PAPLN: variants seen among roughly 807,000 people sequenced by gnomAD.
PAPLN encodes the protein papilin, proteoglycan like sulfated glycoprotein, also known as papilin.
A neutral mutation model predicts 159.0 loss-of-function variants in PAPLN; 146 were observed. That is an observed-to-expected ratio of 0.92 (90% confidence interval 0.80 to 1.05). The LOEUF (loss-of-function observed/expected upper bound fraction) is 1.05. PAPLN is among the 50% of genes least tolerant of loss of function. The pLI is 0.00. For missense variants in PAPLN, 1,720 were observed against 1,743.9 expected, an observed-to-expected ratio of 0.99 and a Z score of 0.24; for synonymous variants, 734 against 702.9, an observed-to-expected ratio of 1.04 and a Z score of -0.70.
At chr14:73,257,744 CTCTT>C (rs1290958094) in intron 14 of PAPLN, among the ~76,000 whole-genome samples, 12 of 130,904 alleles carry the variant, frequency 9.2e-5, no homozygotes, top group Non-Finnish European at 1.8e-4. Context: ...ATTATCTAGT[CTCTT>C]TCTTCTTTTT....
intron 5 of PAPLN, chr14:73,246,783 G>A (rs1884433484): frequency 6.6e-6 from 1 of 151,538 alleles, no homozygotes; most frequent in Non-Finnish European, 1.5e-5. Context: ...AATATGGAAT[G>A]CTTCATGAAT....
At chr14:73,254,812 C>G in intron 13 of PAPLN, 65 bp from the exon 14 acceptor site, 1 of 1,599,342 alleles carries the variant, frequency 6.3e-7, no homozygotes, top group South Asian at 1.1e-5. Context: ...CTGCCTCTCT[C>G]CATGTGGGTC....
rs145397376 is a variant in PAPLN at position 73,263,720 on chromosome 14, C to T, written c.2799C>T (p.Asp933=). The T allele has an allele frequency of 3.7e-3, 5,975 of 1,611,902 alleles. 69 individuals carry two copies. The highest frequency in any genetic ancestry group is 0.024 in the South Asian group (2,227 of 91,078). ...AGTTGGTGCGGCTCTCCTGCTCAGA[C>T]GACACTGCCCCGGAATCCCAGGCTG... ...LGQLVRLSCS[D]DTAPESQAAW... Residue 933 remains aspartate, a synonymous_variant, in exon 20 of 27, where the codon GAC becomes GAT. Transcript: ENST00000644200.
Position 73,245,425 on chromosome 14 carries a change from T to C in PAPLN, c.171-211T>C. ...CCCGCCTTAAATCCAAACTATAGGGTGGGTAGGGCTCTGAGTCCCGCTTCT... is the reference window on the plus strand; with the variant it reads ...CCCGCCTTAAATCCAAACTATAGGGCGGGTAGGGCTCTGAGTCCCGCTTCT... On this transcript the variant is annotated intron_variant, in intron 3 of 26. Coordinates refer to ENST00000644200, the MANE Select transcript of PAPLN (RefSeq NM_001365906.3). The surrounding 1 kb of genome is among the most constrained non-coding windows in gnomAD (Gnocchi z 4.2). 1.7e-6 allele frequency: 1 copy of C among 576,542 alleles called. No homozygotes were observed. The highest frequency in any genetic ancestry group is 3.1e-6 in the Non-Finnish European group (1 of 323,358). The allele number at this position is 576,542 out of a possible 1,614,324, so 35.7% of individuals were successfully genotyped here.
chr14:73,250,113 G>C lies in PAPLN; in HGVS notation c.464G>C (p.Arg155Pro). Residue 155 changes from arginine to proline, a missense_variant and splice_region_variant, in exon 6 of 27, where the codon CGG becomes CCG. Transcript: ENST00000644200. ...KRDVCVDGSC[R>P]VVGCDHELDS... ...GATGTCTGTGTGGATGGCAGCTGCC[G>C]GGTGAGTGGTGCCCCAGCCCCTCCC... 6.2e-7 allele frequency: 1 copy of C among 1,605,698 alleles called. No homozygotes were observed. Among genetic ancestry groups the C allele is most frequent in the Non-Finnish European group, 8.5e-7 (1 of 1,176,296 alleles).
chr14:73,244,925 C>CA (rs1884028316), intron 3 of PAPLN, 166 bp downstream of exon 3: 2 of 572,774 alleles, frequency 3.5e-6, no homozygotes, highest in South Asian at 4.3e-5. Flanking sequence ...CGCAGGAAAT[C>CA]AAACCATTTC....
At chr14:73,247,796 CCGTGTGTGTGTGTGTG>C (rs1229093169) in intron 5 of PAPLN, among the ~76,000 whole-genome samples, 39 of 60,622 alleles carry the variant, frequency 6.4e-4, no homozygotes, top group South Asian at 4.7e-3. Flanking sequence ...GTCTCTTATC[CCGTGTGTGTGTGTGTG>C]TGTGTGTGTG....
At chr14:73,253,989 G>C in intron 12 of PAPLN, 28 bp downstream of exon 12, 1 of 1,590,344 alleles carries the variant, frequency 6.3e-7, no homozygotes. Flanking sequence ...CATGGGGCTG[G>C]TGCTGGACCT....
Position 73,273,833 on chromosome 14 carries a change from G to T in PAPLN, c.*1169G>T, listed in dbSNP as rs1036284902. ...GCAGAGGGTTAACAGCATAACCCTTGTTGGCAAAATGGAATAGATGTTAAG... is the reference window on the plus strand; with the variant it reads ...GCAGAGGGTTAACAGCATAACCCTTTTTGGCAAAATGGAATAGATGTTAAG... On this transcript the variant is annotated 3_prime_UTR_variant, in exon 27 of 27. Coordinates refer to ENST00000644200, the MANE Select transcript of PAPLN (RefSeq NM_001365906.3). 6.6e-6 allele frequency: 1 copy of T among 152,226 alleles called. No individual in the cohort carries two copies. The highest frequency in any genetic ancestry group is 6.5e-5 in the Admixed American group (1 of 15,284). 9.4% of individuals were successfully genotyped at this position (152,226 alleles called of 1,614,324 possible). A position where few individuals can be genotyped will look rare whatever the true frequency, so the allele number is the denominator to read the frequency against.
rs201896871 is a variant in PAPLN at position 73,251,648 on chromosome 14, G to A, written c.671-16G>A. The A allele has an allele frequency of 1.4e-5, 22 of 1,613,538 alleles. No homozygotes were observed. The East Asian group carries it at 2.2e-4, about 16-fold the overall frequency. ...ACTGCTCCCTCTGGCTGACTGAGGC[G>A]GTCTCCTCTGCGCAGCTGTGAAGAA... On this transcript the variant is annotated splice_polypyrimidine_tract_variant and intron_variant, in intron 8 of 26. Coordinates refer to ENST00000644200, the MANE Select transcript of PAPLN (RefSeq NM_001365906.3).
chr14:73,263,088 A>AT (rs1886769418), intron 19 of PAPLN: 1 of 406,282 alleles, frequency 2.5e-6, no homozygotes, highest in African/African-American at 2.1e-5. Flanking sequence ...TCTCGCCAGT[A>AT]TACCCCGGGG....
At position 73,253,912 on chromosome 14, in the gene PAPLN, C is replaced by T. The variant is rs752209401; in HGVS notation, c.1253C>T (p.Ala418Val). ...CCTGGGAAGCCCCCTGCCATTCAGG[C>T]CTGTAACCTGCAGCGCTGTGCAGCC... ...GLPGKPPAIQ[A>V]CNLQRCAAWS... The change falls in exon 12 of 27, where the codon GCC (alanine) becomes GTC (valine). Residue 418 changes from alanine to valine, a missense_variant. By Grantham distance (64) the Ala-to-Val change is moderately conservative (BLOSUM62 0). Transcript: ENST00000644200. 3.4e-5 allele frequency: 55 copies of T among 1,613,192 alleles called. No individual in the cohort carries two copies. The highest frequency in any genetic ancestry group is 4.6e-5 in the Non-Finnish European group (54 of 1,179,916).
At position 73,251,818 on chromosome 14, in the gene PAPLN, G is replaced by A. The variant is rs375078700; in HGVS notation, c.825G>A (p.Ser275=). Residue 275 remains serine (S), a synonymous_variant, in exon 9 of 27, where the codon TCG becomes TCA. Transcript: ENST00000644200. ...PERLHARGPT[S]EPLVIELISQ... is the part of the protein sequence containing the mutation. ...GACTCCATGCCCGGGGCCCCACCTC[G>A]GAGCCCCTGGTCATCGAGGTAAATG... is the stretch of plus-strand genomic sequence containing the variant. 2,059 of 1,596,868 alleles carry A rather than the reference G, an allele frequency of 1.3e-3. 1 individual carries two copies. The highest frequency in any genetic ancestry group is 1.7e-3 in the Non-Finnish European group (1,954 of 1,174,496).
intron 23 of PAPLN, among the ~76,000 whole-genome samples, chr14:73,266,262 G>A (rs1437198354): frequency 1.3e-5 from 2 of 152,210 alleles, no homozygotes. Flanking sequence ...TTGAACCTGG[G>A]TGGCAGAGGT....
chr14:73,247,456 C>CTG (rs1034177314), intron 5 of PAPLN, among the ~76,000 whole-genome samples: 4 of 152,016 alleles, frequency 2.6e-5, no homozygotes, highest in Middle Eastern at 3.4e-3. Context: ...TATATTCTCT[C>CTG]TGTGTGTGTG....
Position 73,241,509 on chromosome 14 carries a change from C to T in PAPLN, c.54+1677C>T, listed in dbSNP as rs191770828. The stretch of plus-strand genomic sequence containing the variant: ...ATGAAACAAATCAAGGTTTCCAAAG[C>T]GCCCTTGGTTCTCTTAAACCTTTTC... On this transcript the variant is annotated intron_variant, in intron 2 of 26. Coordinates refer to ENST00000644200, the MANE Select transcript of PAPLN (RefSeq NM_001365906.3). 2.2e-3 allele frequency among the ~76,000 whole-genome samples: 342 copies of T among 152,358 alleles called. 6 individuals are homozygous for T. The highest frequency in any genetic ancestry group is 7.2e-4 in the Non-Finnish European group (49 of 68,030).
rs1255524719 is a variant in PAPLN at position 73,266,523 on chromosome 14, T to C, written c.3286T>C (p.Ser1096Pro). The C allele has an allele frequency of 6.2e-7, 1 of 1,613,940 alleles. No individual in the cohort carries two copies. The highest frequency in any genetic ancestry group is 1.3e-5 in the African/African-American group (1 of 74,902). The change falls in exon 24 of 27, where the codon TCC becomes CCC. Residue 1096 changes from serine to proline, a missense_variant. Coordinates refer to ENST00000644200, the MANE Select transcript of PAPLN (RefSeq NM_001365906.3). ...CAGACACCAGCTGCAGCCTGATGGCTCCCTGGTCATTAGCCGAGTGGCTGT... is the reference window on the plus strand; with the variant it reads ...CAGACACCAGCTGCAGCCTGATGGCCCCCTGGTCATTAGCCGAGTGGCTGT... The part of the protein sequence containing the change: ...SPRHQLQPDG[S>P]LVISRVAVED...
chr14:73,251,883 C>A (rs916297545), intron 9 of PAPLN, 47 bp downstream of exon 9: 1 of 1,554,402 alleles, frequency 6.4e-7, no homozygotes, highest in African/African-American at 1.4e-5. Context: ...GCTCGTGGTC[C>A]CCAAGAGGCT....
In PAPLN at chr14:73,265,585, A is replaced by AGCT; in HGVS notation, c.3263+82_3263+84dup. On this transcript the variant is annotated intron_variant, in intron 23 of 26. Coordinates refer to ENST00000644200, the MANE Select transcript of PAPLN (RefSeq NM_001365906.3). This position sits in a 1 kb window ranked among gnomAD's most constrained non-coding sequence, Gnocchi z 4.1. ...TCCTATGGAGGCCACCGGGGAAGGG[A>AGCT]GCTGCTAGCGCATGGTCATGGCCAG... 1 of 1,563,856 alleles carries AGCT rather than the reference A, an allele frequency of 6.4e-7. No homozygotes were observed.
Sources: gnomAD v4.1 joint callset for allele counts (sites outside exome capture counted in the v4.1 genomes callset) on GRCh38, gnomAD v4.1.1 for gene constraint, Gnocchi (gnomAD v3.1) non-coding constraint, MANE v1.5 for transcripts, NCBI Gene and HGNC (gene_info 2026-07-23, HGNC 2026-07-21) for gene names.